Variants in PLGRKT observed in about 807,000 individuals in gnomAD.
The protein encoded by PLGRKT is plasminogen receptor (KT).
PLGRKT carries 22 observed loss-of-function variants against 18.5 expected under a neutral mutation model. That is an observed-to-expected ratio of 1.19 (90% CI 0.85 to 1.70). The LOEUF is 1.70. Ranked by LOEUF, PLGRKT falls within the 40% of genes most tolerant of loss-of-function variation. The pLI, the probability that PLGRKT is intolerant of heterozygous loss-of-function variation, is 0.00. For synonymous variants in PLGRKT, 72 were observed against 52.8 expected (o/e 1.36, Z -1.58); for missense variants, 235 against 174.4 (o/e 1.35, Z -1.96).
intron 3 of PLGRKT, among the ~76,000 whole-genome samples, chr9:5,410,737 T>G (rs1200131049): frequency 2.6e-5 from 4 of 152,182 alleles, no homozygotes; most frequent in Admixed American, 6.5e-5. Context: ...AGTAGAAAAT[T>G]AAAACGTTTC....
intron 3 of PLGRKT, among the ~76,000 whole-genome samples, chr9:5,401,784 A>G (rs138407325): frequency 5.9e-5 from 9 of 152,100 alleles, no homozygotes; most frequent in Non-Finnish European, 8.8e-5. Context: ...TGTAATATCT[A>G]TATCTGAAAG....
At position 5,361,797 on chromosome 9, in the gene PLGRKT, C is replaced by T. The variant is rs1351433028; in HGVS notation, c.173G>A (p.Gly58Glu). ...AWSREFLKYF[G>E]TFFGLAAISL... ...GATGGCTGCAAGGCCAAAAAAAGTTCCAAAATATTTGAGGAATTCCCGAGA... is the reference window on the plus strand; with the variant it reads ...GATGGCTGCAAGGCCAAAAAAAGTTTCAAAATATTTGAGGAATTCCCGAGA... The change falls in exon 4 of 6, where the codon GGA becomes GAA. Residue 58 changes from glycine (G) to glutamate (E), a missense_variant. Gly to Glu is a moderately conservative substitution (Grantham distance 98). Coordinates refer to ENST00000223864, the MANE Select transcript of PLGRKT (RefSeq NM_018465.4). 1.9e-6 allele frequency: 3 copies of T among 1,613,090 alleles called. No individual in the cohort carries two copies. Among genetic ancestry groups the T allele is most frequent in the Admixed American group, 1.7e-5 (1 of 59,832 alleles).
In PLGRKT at chr9:5,358,123, T is replaced by G. The variant is rs1817178338; in HGVS notation, c.*116A>C. On this transcript the variant is annotated 3_prime_UTR_variant, in exon 6 of 6. Transcript: ENST00000223864. ...AAAATAGCTCAAAACTATCTTGCATTTTAATATTTTAAAATAAAATCTATA... is the reference window on the plus strand; with the variant it reads ...AAAATAGCTCAAAACTATCTTGCATGTTAATATTTTAAAATAAAATCTATA... 1.4e-6 allele frequency: 1 copy of G among 702,324 alleles called. No homozygotes were observed. The highest frequency in any genetic ancestry group is 2.8e-5 in the Admixed American group (1 of 36,322). 43.5% of individuals were successfully genotyped at this position (702,324 alleles called of 1,614,324 possible). A position where few individuals can be genotyped will look rare whatever the true frequency, so the allele number is the denominator to read the frequency against.
intron 3 of PLGRKT, among the ~76,000 whole-genome samples, chr9:5,412,791 T>G (rs1818390125): frequency 6.6e-6 from 1 of 152,216 alleles, no homozygotes; most frequent in Non-Finnish European, 1.5e-5. Context: ...AAACTTTTTT[T>G]CATGGTGTAA....
chr9:5,376,725 G>C (rs191926487), intron 3 of PLGRKT, among the ~76,000 whole-genome samples: 1 of 152,148 alleles, frequency 6.6e-6, no homozygotes, highest in African/African-American at 2.4e-5. Context: ...AAAAAGCAAG[G>C]TACAGAAAGG....
At chr9:5,369,967 G>A (rs556690721) in intron 3 of PLGRKT, among the ~76,000 whole-genome samples, 6 of 152,104 alleles carry the variant, frequency 3.9e-5, no homozygotes, top group Non-Finnish European at 5.9e-5. Context: ...GAGGGATAGC[G>A]TTAGGAGAAA....
At chr9:5,362,998 C>G (rs1817300499) in intron 3 of PLGRKT, among the ~76,000 whole-genome samples, 1 of 152,006 alleles carries the variant, frequency 6.6e-6, no homozygotes, top group Non-Finnish European at 1.5e-5. Flanking sequence ...CCATCTCCCT[C>G]AACAGCCAAG....
intron 3 of PLGRKT, among the ~76,000 whole-genome samples, chr9:5,381,630 C>G (rs946234875): frequency 2.6e-5 from 4 of 152,170 alleles, no homozygotes; most frequent in East Asian, 3.8e-4. Context: ...CTTTTTCACA[C>G]GGCTATAAAT....
rs80163341 is a variant in PLGRKT, at chr9:5,401,405, A to T, written c.81+30492T>A. The stretch of plus-strand genomic sequence containing the variant: ...TTTTGCATGGCATTTAGAATGAGGT[A>T]AATATACAATAGAACAAACAAGAAA... On this transcript the variant is annotated intron_variant, in intron 3 of 5. Coordinates refer to ENST00000223864, the MANE Select transcript of PLGRKT (RefSeq NM_018465.4). Among the ~76,000 whole-genome samples, 1,507 of 152,086 alleles carry T rather than the reference A, an allele frequency of 9.9e-3. 50 individuals are homozygous for T. Among genetic ancestry groups the T allele is most frequent in the African/African-American group, 0.035 (1,447 of 41,352 alleles).
At chr9:5,406,188 G>A (rs138699574) in intron 3 of PLGRKT, among the ~76,000 whole-genome samples, 2 of 152,308 alleles carry the variant, frequency 1.3e-5, no homozygotes, top group East Asian at 3.9e-4. Flanking sequence ...AACCTTTGTG[G>A]AAGACAGTAT....
At chr9:5,415,983 A>G (rs550040257) in intron 3 of PLGRKT, among the ~76,000 whole-genome samples, 3 of 151,952 alleles carry the variant, frequency 2.0e-5, no homozygotes, top group Non-Finnish European at 4.4e-5. Flanking sequence ...GGTTAATAGT[A>G]TTATACCAAT....
chr9:5,378,687 G>C (rs1255421239), intron 3 of PLGRKT, among the ~76,000 whole-genome samples: 2 of 152,030 alleles, frequency 1.3e-5, no homozygotes, highest in African/African-American at 4.8e-5. Flanking sequence ...GAAGATAGAA[G>C]AGTTAAGAAT....
intron 3 of PLGRKT, among the ~76,000 whole-genome samples, chr9:5,383,536 T>C (rs1253168997): frequency 2.0e-5 from 3 of 152,324 alleles, no homozygotes; most frequent in Middle Eastern, 3.4e-3. Context: ...TTGTAATATA[T>C]AATGAAATAA....
At chr9:5,434,190 G>T (rs1439247021) in intron 2 of PLGRKT, among the ~76,000 whole-genome samples, 1 of 143,910 alleles carries the variant, frequency 6.9e-6, no homozygotes, top group African/African-American at 2.6e-5. Flanking sequence ...CCGCCACCCC[G>T]TCTGGGAGGT....
intron 3 of PLGRKT, among the ~76,000 whole-genome samples, chr9:5,415,516 A>C (rs1200447163): frequency 1.3e-5 from 2 of 152,198 alleles, no homozygotes; most frequent in Non-Finnish European, 2.9e-5. Flanking sequence ...CAAAGTCTCA[A>C]AGTATCTCCT....
chr9:5,401,963 T>TTTTC (rs1818163706), intron 3 of PLGRKT, among the ~76,000 whole-genome samples: 1 of 151,974 alleles, frequency 6.6e-6, no homozygotes, highest in Non-Finnish European at 1.5e-5. Flanking sequence ...TGGATTTTTT[T>TTTTC]TTTCTAATTA....
At position 5,395,166 on chromosome 9, in the gene PLGRKT, T is replaced by C. The variant is rs567655110; in HGVS notation, c.82-33278A>G. 4.6e-5 allele frequency among the ~76,000 whole-genome samples: 7 copies of C among 151,562 alleles called. No homozygotes were observed. In the South Asian group the frequency reaches 8.3e-4, roughly 18 times the overall value. On this transcript the variant is annotated intron_variant, in intron 3 of 5. Transcript: ENST00000223864. The stretch of plus-strand genomic sequence containing the variant: ...ACAGATTATCTTCAAATAGGTGTAA[T>C]ATATTATTGGGGTTTTACAATTTTC...
At chr9:5,379,285 T>A (rs1052553557) in intron 3 of PLGRKT, among the ~76,000 whole-genome samples, 4 of 152,222 alleles carry the variant, frequency 2.6e-5, no homozygotes, top group Admixed American at 6.5e-5. Flanking sequence ...AAGCTCATTG[T>A]AAGATTTCCT....
chr9:5,418,840 T>G lies in PLGRKT; in HGVS notation c.81+13057A>C, dbSNP rs1252422670. 34 of 1,058,680 alleles carry G rather than the reference T, an allele frequency of 3.2e-5. No homozygotes were observed. The highest frequency in any genetic ancestry group is 4.7e-5 in the Non-Finnish European group (32 of 686,734). The allele number at this position is 1,058,680 out of a possible 1,614,324, so 65.6% of individuals were successfully genotyped here. Reference sequence around the variant, plus strand: ...GCTGCACCAGGGGCATCGCACATCCTTCTGGCTGGTCCTCGTCTGCTGGAG... The same window carrying G: ...GCTGCACCAGGGGCATCGCACATCCGTCTGGCTGGTCCTCGTCTGCTGGAG... On this transcript the variant is annotated intron_variant, in intron 3 of 5. Coordinates refer to ENST00000223864, the MANE Select transcript of PLGRKT (RefSeq NM_018465.4). The surrounding 1 kb of genome is among the most constrained non-coding windows in gnomAD (Gnocchi z 4.2).
Sources: gnomAD v4.1 joint callset for allele counts (sites outside exome capture counted in the v4.1 genomes callset) on GRCh38, gnomAD v4.1.1 for gene constraint, Gnocchi (gnomAD v3.1) non-coding constraint, MANE v1.5 for transcripts, NCBI Gene and HGNC (gene_info 2026-07-23, HGNC 2026-07-21) for gene names.